Variants in LMNB1 observed in about 807,000 individuals in gnomAD.
The protein encoded by LMNB1 is lamin B1, also known as lamin-B1.
In LMNB1, 23 loss-of-function variants were observed where a neutral mutation model predicts 67.1. That is an observed-to-expected ratio of 0.34 (90% CI 0.25 to 0.49). The LOEUF is 0.49. Among genes scored for constraint, LMNB1 ranks in the 20% least tolerant of loss-of-function variants. The pLI, the probability that LMNB1 is intolerant of heterozygous loss-of-function variation, is 0.99. For missense variants in LMNB1, 634 were observed against 746.5 expected (o/e 0.85, Z 1.76); for synonymous variants, 281 against 282.9 (o/e 0.99, Z 0.07).
intron 2 of LMNB1, 109 bp from the exon 3 acceptor site, chr5:126,805,462 A>C (rs1364044433): frequency 1.4e-6 from 1 of 732,966 alleles, no homozygotes; most frequent in Non-Finnish European, 2.2e-6. Flanking sequence ...TACATTGATA[A>C]ATATATAGGA....
At chr5:126,780,545 G>A (rs1561731953) in intron 1 of LMNB1, among the ~76,000 whole-genome samples, 2 of 152,344 alleles carry the variant, frequency 1.3e-5, no homozygotes, top group South Asian at 2.1e-4. Context: ...AATAATGCAT[G>A]TGATACAATT....
intron 3 of LMNB1, among the ~76,000 whole-genome samples, chr5:126,806,620 AAG>A (rs1388869603): frequency 6.6e-6 from 1 of 151,208 alleles, no homozygotes; most frequent in African/African-American, 2.5e-5. Context: ...GAGAGAGAGA[AAG>A]AAACACAACG....
chr5:126,810,071 C>A, intron 3 of LMNB1, 109 bp from the exon 4 acceptor site: 3 of 997,910 alleles, frequency 3.0e-6, no homozygotes, highest in South Asian at 2.0e-5. Flanking sequence ...TGAGGACAAA[C>A]AGGAGGAAGT....
intron 9 of LMNB1, among the ~76,000 whole-genome samples, chr5:126,831,099 C>T (rs3805738): frequency 0.16 from 24,847 of 152,182 alleles, 2,483 homozygotes; most frequent in East Asian, 0.26. Context: ...ATTTACAAAA[C>T]ACATTATTGG....
At chr5:126,800,105 G>T (rs578177254) in intron 1 of LMNB1, among the ~76,000 whole-genome samples, 2 of 152,274 alleles carry the variant, frequency 1.3e-5, no homozygotes, top group African/African-American at 4.8e-5. Context: ...CTGCTTTCCT[G>T]TGGCTTGCTT....
intron 3 of LMNB1, among the ~76,000 whole-genome samples, chr5:126,808,046 AT>A (rs895586291): frequency 6.6e-6 from 1 of 151,474 alleles, no homozygotes; most frequent in African/African-American, 2.4e-5. Context: ...TAAGTTTTGT[AT>A]TTTTAGTAGA....
intron 1 of LMNB1, among the ~76,000 whole-genome samples, chr5:126,796,279 G>T (rs977414790): frequency 2.0e-5 from 3 of 151,842 alleles, no homozygotes; most frequent in Middle Eastern, 3.2e-3. Flanking sequence ...TCTTCTTATG[G>T]TGCTGACTGA....
chr5:126,782,439 C>A (rs1750655155), intron 1 of LMNB1, among the ~76,000 whole-genome samples: 3 of 152,184 alleles, frequency 2.0e-5, no homozygotes, highest in Admixed American at 1.3e-4. Context: ...TGGAGAAAGA[C>A]AGATTGAAAA....
rs1752263456 is a variant in LMNB1, at chr5:126,836,982, A to C, written c.*718A>C. 2.5e-6 allele frequency: 1 copy of C among 398,002 alleles called. No individual in the cohort carries two copies. The highest frequency in any genetic ancestry group is 4.4e-5 in the Admixed American group (1 of 22,700). 24.7% of individuals were successfully genotyped at this position (398,002 alleles called of 1,614,324 possible). On this transcript the variant is annotated 3_prime_UTR_variant, in exon 11 of 11. Coordinates refer to ENST00000261366, the MANE Select transcript of LMNB1 (RefSeq NM_005573.4). ...ATAGTGTAACTTGCTTAAATTTCTT[A>C]TGTGACATTAACAAATAAAAAAGCT... is the stretch of plus-strand genomic sequence containing the variant.
rs765249329 is a variant in LMNB1, at chr5:126,794,557, A to C, written c.360-10219A>C. Among the ~76,000 whole-genome samples the C allele has an allele frequency of 7.2e-5, 11 of 152,328 alleles. No individual in the cohort carries two copies. The East Asian group carries it at 2.1e-3, about 29-fold the overall frequency. ...TGTTGATGCTGAGCTCTGGGTGTGAAGAGATCCCCAGACACGGATTTGTGT... is the reference window on the plus strand; with the variant it reads ...TGTTGATGCTGAGCTCTGGGTGTGACGAGATCCCCAGACACGGATTTGTGT... On this transcript the variant is annotated intron_variant, in intron 1 of 10. Coordinates refer to ENST00000261366, the MANE Select transcript of LMNB1 (RefSeq NM_005573.4).
intron 9 of LMNB1, among the ~76,000 whole-genome samples, chr5:126,827,393 C>T (rs1752021561): frequency 2.0e-5 from 3 of 152,200 alleles, no homozygotes; most frequent in East Asian, 1.9e-4. Flanking sequence ...AGCGCAGTGG[C>T]TCATGCCTGT....
rs566571892 is a variant in LMNB1 at position 126,804,977 on chromosome 5, C to G, written c.516+45C>G. 126 of 1,493,188 alleles carry G rather than the reference C, an allele frequency of 8.4e-5. 2 individuals carry two copies. In the South Asian group the frequency reaches 1.3e-3, roughly 16 times the overall value. The allele number at this position is 1,493,188 out of a possible 1,614,324, so 92.5% of individuals were successfully genotyped here. On this transcript the variant is annotated intron_variant, in intron 2 of 10. Transcript: ENST00000261366. Reference sequence around the variant, plus strand: ...TGAGCCGTATGTGACAGGTTAATTGCCTCATCTGCCTTAAGCCATAGTTTG... The same window carrying G: ...TGAGCCGTATGTGACAGGTTAATTGGCTCATCTGCCTTAAGCCATAGTTTG...
chr5:126,803,794 G>T (rs990330261), intron 1 of LMNB1, among the ~76,000 whole-genome samples: 5 of 151,878 alleles, frequency 3.3e-5, no homozygotes, highest in African/African-American at 9.7e-5. Context: ...CAAGTGATCC[G>T]CCAGCCTTGG....
At chr5:126,822,732 C>T in intron 7 of LMNB1, 49 bp from the exon 8 acceptor site, 1 of 1,137,638 alleles carries the variant, frequency 8.8e-7, no homozygotes, top group Non-Finnish European at 1.3e-6. Context: ...TATTCCACAA[C>T]TTTCTTTATC....
intron 4 of LMNB1, 109 bp downstream of exon 4, chr5:126,810,459 CCCTA>C: frequency 1.2e-6 from 1 of 809,606 alleles, no homozygotes; most frequent in Admixed American, 3.3e-5. Flanking sequence ...AAAATGATTC[CCCTA>C]GTCTCCATGA....
intron 1 of LMNB1, among the ~76,000 whole-genome samples, chr5:126,788,131 A>G (rs947183291): frequency 1.3e-5 from 2 of 152,138 alleles, no homozygotes; most frequent in Non-Finnish European, 2.9e-5. Context: ...GACTGCTTCC[A>G]TGCTTGGGTG....
At chr5:126,830,801 A>G (rs939482654) in intron 9 of LMNB1, among the ~76,000 whole-genome samples, 2 of 152,230 alleles carry the variant, frequency 1.3e-5, no homozygotes, top group Admixed American at 1.3e-4. Flanking sequence ...AGTTGAGAAA[A>G]GCTGGGTACT....
chr5:126,826,130 A>G (rs1561753799), intron 9 of LMNB1, 23 bp downstream of exon 9: 1 of 1,593,494 alleles, frequency 6.3e-7, no homozygotes, highest in Non-Finnish European at 8.6e-7. Context: ...TATCAGGACC[A>G]CCACAATGTT....
chr5:126,800,333 A>C (rs1010546981), intron 1 of LMNB1, among the ~76,000 whole-genome samples: 4 of 152,160 alleles, frequency 2.6e-5, no homozygotes, highest in African/African-American at 9.7e-5. Context: ...TTTTTCTGCT[A>C]GGAGAGGTAA....
Sources: gnomAD v4.1 joint callset for allele counts (sites outside exome capture counted in the v4.1 genomes callset) on GRCh38, gnomAD v4.1.1 for gene constraint, MANE v1.5 for transcripts, NCBI Gene and HGNC (gene_info 2026-07-23, HGNC 2026-07-21) for gene names.